Variants in TMED2 observed in about 807,000 individuals in gnomAD.
TMED2 encodes the protein transmembrane p24 trafficking protein 2.
A neutral mutation model predicts 17.5 loss-of-function variants in TMED2; 3 were observed. That is an observed-to-expected ratio of 0.17 (90% CI 0.08 to 0.44). The LOEUF is 0.44. Ranked by LOEUF, TMED2 falls within the 20% of genes least tolerant of loss-of-function variation. The pLI is 0.99. For missense variants in TMED2, 149 were observed against 254.8 expected, an observed-to-expected ratio of 0.58 and a Z score of 2.83; for synonymous variants, 95 against 91.0, an observed-to-expected ratio of 1.04 and a Z score of -0.25.
At chr12:123,594,419 C>T (rs1953415504) in intron 3 of TMED2, among the ~76,000 whole-genome samples, 1 of 151,978 alleles carries the variant, frequency 6.6e-6, no homozygotes, top group African/African-American at 2.4e-5. Context: ...CAGGCATGAG[C>T]CACTGTGCCC....
At chr12:123,591,056 TAAATC>T (rs146089433) in intron 3 of TMED2, among the ~76,000 whole-genome samples, 8,269 of 152,206 alleles carry the variant, frequency 0.054, 294 homozygotes, top group South Asian at 0.12. Flanking sequence ...ATTGTTTTCT[TAAATC>T]AGAAGGGAAA....
intron 3 of TMED2, among the ~76,000 whole-genome samples, chr12:123,591,178 A>G (rs1172650259): frequency 6.6e-6 from 1 of 152,208 alleles, no homozygotes; most frequent in Non-Finnish European, 1.5e-5. Context: ...ACTAAAATGG[A>G]AAGCTTAATA....
Position 123,596,613 on chromosome 12 carries a change from A to G in TMED2, c.490A>G (p.Asn164Asp). Reference sequence around the variant, plus strand: ...TGTTTTGTCCTCAACAGTCAACGACAACACAAACAGCAGAGTGGTCCTTTG... The same window carrying G: ...TGTTTTGTCCTCAACAGTCAACGACGACACAAACAGCAGAGTGGTCCTTTG... ...RERIHRAIND[N>D]TNSRVVLWSF... is the part of the protein sequence containing the mutation. The change falls in exon 4 of 4, where the codon AAC (asparagine) becomes GAC (aspartate). Residue 164 changes from asparagine to aspartate, a missense_variant. Coordinates refer to ENST00000262225, the MANE Select transcript of TMED2 (RefSeq NM_006815.4). The G allele has an allele frequency of 6.2e-7, 1 of 1,604,948 alleles. No individual in the cohort carries two copies.
At chr12:123,595,103 C>T (rs1410054513) in intron 3 of TMED2, among the ~76,000 whole-genome samples, 7 of 150,134 alleles carry the variant, frequency 4.7e-5, no homozygotes, top group African/African-American at 4.9e-5. Flanking sequence ...GGGGTGTGCA[C>T]GTGTAATCCC....
chr12:123,586,164 A>T (rs756981130), intron 1 of TMED2: 1 of 152,158 alleles, frequency 6.6e-6, no homozygotes, highest in Non-Finnish European at 1.5e-5. Flanking sequence ...ACCACATTTA[A>T]GGTGAGCTTT....
At chr12:123,585,201 T>G (rs1886318135) in intron 1 of TMED2, 1 of 187,186 alleles carries the variant, frequency 5.3e-6, no homozygotes, top group Non-Finnish European at 1.1e-5. Context: ...AGTTAGCACC[T>G]GCCTTCTTTC....
intron 3 of TMED2, among the ~76,000 whole-genome samples, chr12:123,593,153 C>T (rs561094604): frequency 2.0e-5 from 3 of 152,264 alleles, no homozygotes; most frequent in East Asian, 3.9e-4. Flanking sequence ...GTCTTGAACT[C>T]GTGGGCTTGA....
intron 2 of TMED2, among the ~76,000 whole-genome samples, chr12:123,588,332 G>A (rs1953367337): frequency 6.6e-6 from 1 of 152,152 alleles, no homozygotes; most frequent in East Asian, 1.9e-4. Context: ...TCATAAAGAA[G>A]CTGAGTTGTT....
At chr12:123,595,441 A>G (rs910552898) in intron 3 of TMED2, among the ~76,000 whole-genome samples, 2 of 152,180 alleles carry the variant, frequency 1.3e-5, no homozygotes, top group African/African-American at 4.8e-5. Flanking sequence ...ATTGAGAACA[A>G]TTGACAAGTA....
At chr12:123,587,499 G>T in intron 2 of TMED2, 1 of 775,254 alleles carries the variant, frequency 1.3e-6, no homozygotes, top group Non-Finnish European at 1.7e-6. Flanking sequence ...TATTTTTTCT[G>T]TTTATTTGCT....
chr12:123,592,600 A>G (rs1379119871), intron 3 of TMED2, among the ~76,000 whole-genome samples: 1 of 152,262 alleles, frequency 6.6e-6, no homozygotes, highest in Non-Finnish European at 1.5e-5. Flanking sequence ...TTAAATTTAC[A>G]AAGCAAATGG....
intron 3 of TMED2, among the ~76,000 whole-genome samples, chr12:123,595,924 G>T (rs1953427558): frequency 6.6e-6 from 1 of 152,176 alleles, no homozygotes; most frequent in South Asian, 2.1e-4. Context: ...AGCTACTCAG[G>T]AGGCTGAGGT....
intron 1 of TMED2, chr12:123,585,838 C>T (rs1160315751): frequency 1.3e-5 from 2 of 152,252 alleles, no homozygotes; most frequent in Non-Finnish European, 2.9e-5. Flanking sequence ...GTCCTTTCCC[C>T]TAAGCCTTCA....
rs920437956 is a variant in TMED2 at position 123,598,028 on chromosome 12, C to G, written c.*1299C>G. On this transcript the variant is annotated 3_prime_UTR_variant, in exon 4 of 4. Coordinates refer to ENST00000262225, the MANE Select transcript of TMED2 (RefSeq NM_006815.4). ...TCACCTTAGGACAACTGTTGCATGC[C>G]AAGTTTTTTGTGTGTGTGAAACACT... 2 of 152,202 alleles carry G rather than the reference C, an allele frequency of 1.3e-5. No individual in the cohort carries two copies. Among genetic ancestry groups the G allele is most frequent in the African/African-American group, 4.8e-5 (2 of 41,298 alleles). The allele number at this position is 152,202 out of a possible 1,614,324, so 9.4% of individuals were successfully genotyped here.
At position 123,584,650 on chromosome 12, in the gene TMED2, C is replaced by T; in HGVS notation, c.14C>T (p.Ala5Val). 1 of 1,611,868 alleles carries T rather than the reference C, an allele frequency of 6.2e-7. No homozygotes were observed. The highest frequency in any genetic ancestry group is 8.5e-7 in the Non-Finnish European group (1 of 1,179,704). Reference sequence around the variant, plus strand: ...CTCAGCCCCACCATGGTGACGCTTGCTGAACTGCTGGTGCTTCTGGCCGCT... The same window carrying T: ...CTCAGCCCCACCATGGTGACGCTTGTTGAACTGCTGGTGCTTCTGGCCGCT... MVTL[A>V]ELLVLLAALL... is the part of the protein sequence containing the mutation. Residue 5 changes from alanine (A) to valine (V), a missense_variant, in exon 1 of 4, where the codon GCT becomes GTT. Ala to Val is a moderately conservative substitution (Grantham distance 64). Coordinates refer to ENST00000262225, the MANE Select transcript of TMED2 (RefSeq NM_006815.4).
intron 3 of TMED2, among the ~76,000 whole-genome samples, chr12:123,593,448 T>C: frequency 6.6e-6 from 1 of 152,190 alleles, no homozygotes. Flanking sequence ...TTTGGATAAC[T>C]GTGATTTTGA....
intron 3 of TMED2, among the ~76,000 whole-genome samples, chr12:123,590,951 C>G (rs1481208018): frequency 1.3e-5 from 2 of 151,130 alleles, no homozygotes; most frequent in Non-Finnish European, 2.9e-5. Flanking sequence ...CCACTGCACT[C>G]CAGCCTGGGC....
chr12:123,594,249 C>G (rs550171040), intron 3 of TMED2, among the ~76,000 whole-genome samples: 2 of 152,076 alleles, frequency 1.3e-5, no homozygotes, highest in East Asian at 3.9e-4. Flanking sequence ...ATTCTCCTGC[C>G]TCAGCCTCTC....
intron 2 of TMED2, 51 bp from the exon 3 acceptor site, chr12:123,590,291 A>G (rs1432699347): frequency 6.9e-7 from 1 of 1,448,186 alleles, no homozygotes; most frequent in South Asian, 1.2e-5. Context: ...TCTCAAAAAA[A>G]AAAAAAAAAA....
Sources: allele counts gnomAD v4.1 joint callset (sites outside exome capture counted in the v4.1 genomes callset), GRCh38; gene constraint gnomAD v4.1.1; transcripts MANE v1.5; gene names NCBI Gene and HGNC (gene_info 2026-07-23, HGNC 2026-07-21).